Variants in PRSS50 observed in about 807,000 individuals in gnomAD.
The protein encoded by PRSS50 is serine protease 50.
Under a neutral mutation model 34.2 loss-of-function variants are expected in PRSS50, and 23 were observed. The ratio of observed to expected loss-of-function variants is 0.67; its 90% CI spans 0.48 to 0.95. The LOEUF is 0.95. PRSS50 is among the 40% of genes least tolerant of loss of function. PRSS50 has a pLI of 0.00. For missense variants in PRSS50, 484 were observed against 513.4 expected (o/e 0.94, Z 0.55); for synonymous variants, 224 against 211.2 (o/e 1.06, Z -0.53).
Position 46,717,492 on chromosome 3 carries a change from C to T in PRSS50, c.252G>A (p.Ser84=), listed in dbSNP as rs1430116349. The T allele has an allele frequency of 1.2e-6, 2 of 1,613,848 alleles. No individual in the cohort carries two copies. The highest frequency in any genetic ancestry group is 2.2e-5 in the South Asian group (2 of 91,046). The change falls in exon 2 of 6, where the codon TCG becomes TCA. Residue 84 remains serine, a synonymous_variant. Transcript: ENST00000315170. This position sits in a 1 kb window ranked among gnomAD's most constrained non-coding sequence, Gnocchi z 4.5. ...CTGGGAATTGGGTCTCCATGGTGGT[C>T]GAGGGCAGTGTCTGGGTGGTCGGGG... ...WQTPTTQTLP[S]TTMETQFPVS...
At position 46,715,387 on chromosome 3, in the gene PRSS50, A is replaced by C; in HGVS notation, c.470+148T>G. 9.4e-7 allele frequency: 1 copy of C among 1,063,214 alleles called. No individual in the cohort carries two copies. Among genetic ancestry groups the C allele is most frequent in the Non-Finnish European group, 1.3e-6 (1 of 749,786 alleles). 65.9% of individuals were successfully genotyped at this position (1,063,214 alleles called of 1,614,324 possible). The stretch of plus-strand genomic sequence containing the variant: ...CTGAAAAGACTGGAGCTCTGAAGGA[A>C]TTTTCAGGACTCAGCCTCCACCTGC... On this transcript the variant is annotated intron_variant, in intron 3 of 5. Transcript: ENST00000315170. This position sits in a 1 kb window ranked among gnomAD's most constrained non-coding sequence, Gnocchi z 5.2.
intron 3 of PRSS50, 78 bp from the exon 4 acceptor site, chr3:46,714,579 C>T: frequency 6.9e-7 from 1 of 1,446,214 alleles, no homozygotes; most frequent in South Asian, 1.4e-5. Flanking sequence ...TTCCCCCACT[C>T]TGCTGCCCTC....
chr3:46,712,231 G>A lies in PRSS50; in HGVS notation c.*15C>T. On this transcript the variant is annotated 3_prime_UTR_variant, in exon 6 of 6. Transcript: ENST00000315170. ...GAGGCAAGGGGGGCCCACAAGTGAG[G>A]GAGGGCACACAGAGTCAGAGGGCAG... 1 of 1,591,182 alleles carries A rather than the reference G, an allele frequency of 6.3e-7. No homozygotes were observed. The highest frequency in any genetic ancestry group is 8.6e-7 in the Non-Finnish European group (1 of 1,165,598).
In PRSS50 at chr3:46,717,753, G is replaced by T. The variant is rs759783824; in HGVS notation, c.72C>A (p.Ala24=). 7.2e-5 allele frequency: 114 copies of T among 1,582,310 alleles called. 1 individual carries two copies. In the South Asian group the frequency reaches 1.3e-3, roughly 18 times the overall value. ...PRTSAPSRAG[A]LLLLLLLLRS... ...TCAGCAACAGAAGCAGCAGCAGCAGGGCACCGGCGCGGGAGGGGGCAGACG... is the reference window on the plus strand; with the variant it reads ...TCAGCAACAGAAGCAGCAGCAGCAGTGCACCGGCGCGGGAGGGGGCAGACG... Residue 24 remains alanine (A), a synonymous_variant, in exon 1 of 6, where the codon GCC becomes GCA. Coordinates refer to ENST00000315170, the MANE Select transcript of PRSS50 (RefSeq NM_013270.5). This position sits in a 1 kb window ranked among gnomAD's most constrained non-coding sequence, Gnocchi z 4.5.
At chr3:46,714,610 C>T in intron 3 of PRSS50, 109 bp from the exon 4 acceptor site, 2 of 1,268,370 alleles carry the variant, frequency 1.6e-6, no homozygotes, top group Non-Finnish European at 2.1e-6. Flanking sequence ...CAGGAGGGGC[C>T]ACCCACCCGC....
Position 46,713,006 on chromosome 3 carries a change from C to T in PRSS50, c.816G>A (p.Glu272=), listed in dbSNP as rs555773656. 2 of 1,614,188 alleles carry T rather than the reference C, an allele frequency of 1.2e-6. No homozygotes were observed. Among genetic ancestry groups the T allele is most frequent in the African/African-American group, 1.3e-5 (1 of 75,044 alleles). The change falls in exon 5 of 6, where the codon GAG becomes GAA. Residue 272 remains glutamate (E), a synonymous_variant. Transcript: ENST00000315170. ...TGAAGTTGTGGTAGAAATTGTCACACTCTTTGTTGTTCAGGATGATGACTT... is the reference window on the plus strand; with the variant it reads ...TGAAGTTGTGGTAGAAATTGTCACATTCTTTGTTGTTCAGGATGATGACTT... ...EKEVIILNNK[E]CDNFYHNFTK...
In PRSS50 at chr3:46,712,196, C is replaced by G. The variant is rs772117290; in HGVS notation, c.*50G>C. On this transcript the variant is annotated 3_prime_UTR_variant, in exon 6 of 6. Transcript: ENST00000315170. ...GCTGTGACAGCTGCACCCACAGCAA[C>G]CTGGGCACGGAGGCAAGGGGGGCCC... is the stretch of plus-strand genomic sequence containing the variant. 4 of 1,486,288 alleles carry G rather than the reference C, an allele frequency of 2.7e-6. No individual in the cohort carries two copies. The highest frequency in any genetic ancestry group is 3.7e-6 in the Non-Finnish European group (4 of 1,084,482). The allele number at this position is 1,486,288 out of a possible 1,614,324, so 92.1% of individuals were successfully genotyped here.
chr3:46,713,210 A>G, intron 4 of PRSS50, 143 bp from the exon 5 acceptor site: 1 of 1,011,058 alleles, frequency 9.9e-7, no homozygotes, highest in South Asian at 1.5e-5. Flanking sequence ...GCCCATACCC[A>G]TCTAGGGCCC....
Position 46,717,431 on chromosome 3 carries a change from A to T in PRSS50, c.307+6T>A. The T allele has an allele frequency of 6.2e-7, 1 of 1,613,600 alleles. No individual in the cohort carries two copies. Among genetic ancestry groups the T allele is most frequent in the Non-Finnish European group, 8.5e-7 (1 of 1,179,862 alleles). On this transcript the variant is annotated splice_donor_region_variant and intron_variant, in intron 2 of 5. Coordinates refer to ENST00000315170, the MANE Select transcript of PRSS50 (RefSeq NM_013270.5). The surrounding 1 kb of genome is among the most constrained non-coding windows in gnomAD (Gnocchi z 4.5). ...GCCCCACGGAGTCTACACCCCTGGT[A>T]CTCACAGCGGTATGGGTCGACTTTG...
Position 46,716,297 on chromosome 3 carries a change from C to G in PRSS50, c.308-600G>C, listed in dbSNP as rs1252128221. ...CTCTGATGAGGTCTTGCTCTGTCAC[C>G]CAGGCTGGAGTGCAGTGGTATGATC... On this transcript the variant is annotated intron_variant, in intron 2 of 5. Transcript: ENST00000315170. The surrounding 1 kb of genome is among the most constrained non-coding windows in gnomAD (Gnocchi z 4.4). Among the ~76,000 whole-genome samples, 1 of 152,128 alleles carries G rather than the reference C, an allele frequency of 6.6e-6. No homozygotes were observed. Among genetic ancestry groups the G allele is most frequent in the Non-Finnish European group, 1.5e-5 (1 of 68,014 alleles).
intron 5 of PRSS50, among the ~76,000 whole-genome samples, 196 bp from the exon 6 acceptor site, chr3:46,712,678 C>T (rs1331223956): frequency 6.6e-6 from 1 of 151,134 alleles, no homozygotes; most frequent in South Asian, 2.1e-4. Context: ...CACCCTCCAT[C>T]TCCCCACGGA....
Position 46,715,618 on chromosome 3 carries a change from G to T in PRSS50, c.387C>A (p.Ser129Arg). The T allele has an allele frequency of 6.2e-7, 1 of 1,612,974 alleles. No homozygotes were observed. The part of the protein sequence containing the change: ...AVARRWPWMV[S>R]VRANGTHICA... ...AGATGTGTGTGCCATTGGCCCGCAC[G>T]CTGACCATCCAGGGCCACCGCCGAG... Residue 129 changes from serine (S) to arginine (R), a missense_variant, in exon 3 of 6, where the codon AGC becomes AGA. Ser to Arg is a moderately radical substitution (Grantham distance 110, BLOSUM62 -1). Coordinates refer to ENST00000315170, the MANE Select transcript of PRSS50 (RefSeq NM_013270.5). This position sits in a 1 kb window ranked among gnomAD's most constrained non-coding sequence, Gnocchi z 5.2.
rs538044869 is a variant in PRSS50 at position 46,717,648 on chromosome 3, C to T, written c.107-11G>A. The T allele has an allele frequency of 2.5e-5, 41 of 1,611,218 alleles. No individual in the cohort carries two copies. The South Asian group carries it at 4.2e-4, about 16-fold the overall frequency. Reference sequence around the variant, plus strand: ...CTGCGCCCCAGCAACCTGCGGAGGACGTCGAGCGGATTAGAGGTGGAAGGC... The same window carrying T: ...CTGCGCCCCAGCAACCTGCGGAGGATGTCGAGCGGATTAGAGGTGGAAGGC... On this transcript the variant is annotated splice_polypyrimidine_tract_variant and intron_variant, in intron 1 of 5. Coordinates refer to ENST00000315170, the MANE Select transcript of PRSS50 (RefSeq NM_013270.5). The surrounding 1 kb of genome is among the most constrained non-coding windows in gnomAD (Gnocchi z 4.5).
chr3:46,716,033 C>T lies in PRSS50; in HGVS notation c.308-336G>A, dbSNP rs536702475. 4.3e-4 allele frequency among the ~76,000 whole-genome samples: 66 copies of T among 152,334 alleles called. No homozygotes were observed. Among genetic ancestry groups the T allele is most frequent in the African/African-American group, 1.5e-3 (61 of 41,566 alleles). On this transcript the variant is annotated intron_variant, in intron 2 of 5. Coordinates refer to ENST00000315170, the MANE Select transcript of PRSS50 (RefSeq NM_013270.5). This position sits in a 1 kb window ranked among gnomAD's most constrained non-coding sequence, Gnocchi z 4.4. ...TTCACTAACTTGTTCTCATTTCCAC[C>T]TGGTTCCACCCTCACCATGTCCCCT...
chr3:46,715,796 C>CCTGG lies in PRSS50; in HGVS notation c.308-100_308-99insCCAG. Reference sequence around the variant, plus strand: ...GCCTCTCCAGCCACTGGCCTGCACCCATCCAGGGGTGCTCCCTTTTCACCT... The same window carrying CCTGG: ...GCCTCTCCAGCCACTGGCCTGCACCCCTGGATCCAGGGGTGCTCCCTTTTCACCT... On this transcript the variant is annotated intron_variant, in intron 2 of 5. Transcript: ENST00000315170. The surrounding 1 kb of genome is among the most constrained non-coding windows in gnomAD (Gnocchi z 5.2). The CCTGG allele has an allele frequency of 3.1e-6, 4 of 1,310,500 alleles. No homozygotes were observed. The highest frequency in any genetic ancestry group is 1.5e-5 in the African/African-American group (1 of 67,476). 81.2% of individuals were successfully genotyped at this position (1,310,500 alleles called of 1,614,324 possible). A position where few individuals can be genotyped will look rare whatever the true frequency, so the allele number is the denominator to read the frequency against.
At position 46,714,494 on chromosome 3, in the gene PRSS50, C is replaced by T. The variant is rs1417090767; in HGVS notation, c.478G>A (p.Val160Ile). 1.3e-6 allele frequency: 2 copies of T among 1,591,638 alleles called. No homozygotes were observed. The highest frequency in any genetic ancestry group is 1.7e-6 in the Non-Finnish European group (2 of 1,170,638). ...CTCCCCACCCTCACTGAGTAGATAACATCACGCCTAGGGGGGCCGTGAGGG... is the reference window on the plus strand; with the variant it reads ...CTCCCCACCCTCACTGAGTAGATAATATCACGCCTAGGGGGGCCGTGAGGG... ...TVAHCLIWRD[V>I]IYSVRVGSPW... Residue 160 changes from valine (V) to isoleucine (I), a missense_variant, in exon 4 of 6, where the codon GTT (valine) becomes ATT (isoleucine). Transcript: ENST00000315170.
chr3:46,717,369 C>T lies in PRSS50; in HGVS notation c.307+68G>A, dbSNP rs1700696723. The stretch of plus-strand genomic sequence containing the variant: ...CCCGTCCCTTCTGCTCCCCTAGCCC[C>T]AGCCAAGGTCCTTAAGACTCCTCTG... On this transcript the variant is annotated intron_variant, in intron 2 of 5. Transcript: ENST00000315170. The surrounding 1 kb of genome is among the most constrained non-coding windows in gnomAD (Gnocchi z 4.5). 1 of 1,567,502 alleles carries T rather than the reference C, an allele frequency of 6.4e-7. No individual in the cohort carries two copies. The highest frequency in any genetic ancestry group is 1.7e-5 in the Admixed American group (1 of 59,086).
rs758923117 is a variant in PRSS50 at position 46,712,314 on chromosome 3, G to A, written c.1090C>T (p.Leu364=). 4.3e-6 allele frequency: 7 copies of A among 1,613,336 alleles called. No individual in the cohort carries two copies. The highest frequency in any genetic ancestry group is 3.3e-5 in the South Asian group (3 of 90,920). ...AGCAGGGTCCTGGATGGGGCTGGCAGGGCCAGGGCCTGCCCGTTGAGGCAG... is the reference window on the plus strand; with the variant it reads ...AGCAGGGTCCTGGATGGGGCTGGCAAGGCCAGGGCCTGCCCGTTGAGGCAG... ...WDCLNGQALA[L]PAPSRTLLLA... Residue 364 remains leucine, a synonymous_variant, in exon 6 of 6, where the codon CTG becomes TTG. Coordinates refer to ENST00000315170, the MANE Select transcript of PRSS50 (RefSeq NM_013270.5).
rs891401802 is a variant in PRSS50 at position 46,717,155 on chromosome 3, G to A, written c.307+282C>T. On this transcript the variant is annotated intron_variant, in intron 2 of 5. Coordinates refer to ENST00000315170, the MANE Select transcript of PRSS50 (RefSeq NM_013270.5). This position sits in a 1 kb window ranked among gnomAD's most constrained non-coding sequence, Gnocchi z 4.5. ...GCCACCTGCCCCACAGCCAGCTCAG[G>A]CGAGGCGGGAACACACAGCCGGCCC... 6.6e-6 allele frequency among the ~76,000 whole-genome samples: 1 copy of A among 152,126 alleles called. No homozygotes were observed. Among genetic ancestry groups the A allele is most frequent in the African/African-American group, 2.4e-5 (1 of 41,430 alleles).
Sources: allele counts gnomAD v4.1 joint callset (sites outside exome capture counted in the v4.1 genomes callset), GRCh38; gene constraint gnomAD v4.1.1; non-coding constraint Gnocchi (gnomAD v3.1); transcripts MANE v1.5; gene names NCBI Gene and HGNC (gene_info 2026-07-23, HGNC 2026-07-21).